Variants in RAG2 observed in about 807,000 individuals in gnomAD.
RAG2 encodes the protein V(D)J recombination-activating protein 2.
A neutral mutation model predicts 31.8 loss-of-function variants in RAG2; 16 were observed. The ratio of observed to expected loss-of-function variants is 0.50; its 90% CI spans 0.34 to 0.76. The LOEUF is 0.76. RAG2 is among the 30% of genes least tolerant of loss of function. The pLI is 0.01. For synonymous variants in RAG2, 199 were observed against 215.9 expected, an observed-to-expected ratio of 0.92 and a Z score of 0.68; for missense variants, 622 against 628.5, an observed-to-expected ratio of 0.99 and a Z score of 0.11.
chr11:36,596,475 G>A (rs113290425), intron 1 of RAG2, among the ~76,000 whole-genome samples: 5,864 of 152,128 alleles, frequency 0.039, 365 homozygotes, highest in African/African-American at 0.13. Context: ...AATAATCTAG[G>A]CAGTGTTTTA....
At position 36,593,601 on chromosome 11, in the gene RAG2, CA is replaced by C. The variant is rs1564996949; in HGVS notation, c.567del (p.Phe189LeufsTer31). The C allele has an allele frequency of 6.2e-7, 1 of 1,614,140 alleles. No individual in the cohort carries two copies. Among genetic ancestry groups the C allele is most frequent in the Non-Finnish European group, 8.5e-7 (1 of 1,180,020 alleles). On this transcript the variant is annotated frameshift_variant, in exon 2 of 2. Transcript: ENST00000311485. LOFTEE classifies it high-confidence loss of function. ...LPCVFLVDFEFGCATSYILPE... is the reference protein window; with the variant it reads ...LPCVFLVDFEXGCATSYILPE... ...GGAAGAATGTATGATGTAGCACACC[CA>C]AATTCAAAATCCACCAGGAAAACAC...
Position 36,592,355 on chromosome 11 carries a change from T to C in RAG2, c.*230A>G, listed in dbSNP as rs552856146. 24 of 559,078 alleles carry C rather than the reference T, an allele frequency of 4.3e-5. No individual in the cohort carries two copies. Among genetic ancestry groups the C allele is most frequent in the African/African-American group, 3.9e-4 (21 of 53,234 alleles). 34.6% of individuals were successfully genotyped at this position (559,078 alleles called of 1,614,324 possible). A position where few individuals can be genotyped will look rare whatever the true frequency, so the allele number is the denominator to read the frequency against. Reference sequence around the variant, plus strand: ...CAGATCAGAAATCCTCAGTGAAGAATAAATTAGTAAATTGAGTATTTGGGT... The same window carrying C: ...CAGATCAGAAATCCTCAGTGAAGAACAAATTAGTAAATTGAGTATTTGGGT... On this transcript the variant is annotated 3_prime_UTR_variant, in exon 2 of 2. Coordinates refer to ENST00000311485, the MANE Select transcript of RAG2 (RefSeq NM_000536.4).
intron 1 of RAG2, among the ~76,000 whole-genome samples, chr11:36,596,643 C>A (rs1851272602): frequency 6.6e-6 from 1 of 152,154 alleles, no homozygotes; most frequent in South Asian, 2.1e-4. Context: ...AGAGAGTTGT[C>A]CCATTTTGGG....
At chr11:36,597,078 C>G (rs1243184213) in intron 1 of RAG2, among the ~76,000 whole-genome samples, 1 of 152,158 alleles carries the variant, frequency 6.6e-6, no homozygotes, top group Non-Finnish European at 1.5e-5. Context: ...CCTCTTGTAA[C>G]ATGGTTCAAG....
At position 36,592,465 on chromosome 11, in the gene RAG2, T is replaced by C. The variant is rs2133310224; in HGVS notation, c.*120A>G. On this transcript the variant is annotated 3_prime_UTR_variant, in exon 2 of 2. Transcript: ENST00000311485. ...ACTTTTTTCTGGCCCTTAATTCATG[T>C]AACTAAAAGAAAACATAGGCATTTT... 1.5e-6 allele frequency: 2 copies of C among 1,291,352 alleles called. No individual in the cohort carries two copies. The highest frequency in any genetic ancestry group is 2.5e-5 in the East Asian group (1 of 39,742). 80.0% of individuals were successfully genotyped at this position (1,291,352 alleles called of 1,614,324 possible).
chr11:36,593,612 T>C lies in RAG2; in HGVS notation c.557A>G (p.Asp186Gly). The change falls in exon 2 of 2, where the codon GAT becomes GGT. Residue 186 changes from aspartate (D) to glycine (G), a missense_variant. Asp to Gly is a moderately conservative substitution (Grantham distance 94, BLOSUM62 -1). Coordinates refer to ENST00000311485, the MANE Select transcript of RAG2 (RefSeq NM_000536.4). Reference protein sequence around the residue: ...ADCLPCVFLVDFEFGCATSYI... With the variant: ...ADCLPCVFLVGFEFGCATSYI... ...TGATGTAGCACACCCAAATTCAAAATCCACCAGGAAAACACAGGGCAGGCA... is the reference window on the plus strand; with the variant it reads ...TGATGTAGCACACCCAAATTCAAAACCCACCAGGAAAACACAGGGCAGGCA... 1.2e-6 allele frequency: 2 copies of C among 1,614,148 alleles called. No individual in the cohort carries two copies. Among genetic ancestry groups the C allele is most frequent in the Non-Finnish European group, 1.7e-6 (2 of 1,180,034 alleles).
Position 36,594,013 on chromosome 11 carries a change from A to T in RAG2, c.156T>A (p.His52Gln), listed in dbSNP as rs1851102640. ...TTGTAGGCTTCAGTTTGACATGGTT[A>T]TGCTTTACATCCAGATGGAAAACTC... ...PTGVFHLDVK[H>Q]NHVKLKPTIF... Residue 52 changes from histidine (H) to glutamine (Q), a missense_variant, in exon 2 of 2, where the codon CAT (histidine) becomes CAA (glutamine). Transcript: ENST00000311485. 2 of 1,614,044 alleles carry T rather than the reference A, an allele frequency of 1.2e-6. No homozygotes were observed. Among genetic ancestry groups the T allele is most frequent in the African/African-American group, 1.3e-5 (1 of 74,914 alleles).
At chr11:36,595,912 A>G (rs1490909758) in intron 1 of RAG2, among the ~76,000 whole-genome samples, 1 of 152,270 alleles carries the variant, frequency 6.6e-6, no homozygotes, top group Non-Finnish European at 1.5e-5. Context: ...GAACTAAAAG[A>G]ATTGGATAAA....
At chr11:36,594,403 C>T (rs1226705730) in intron 1 of RAG2, 1 of 575,396 alleles carries the variant, frequency 1.7e-6, no homozygotes, top group Non-Finnish European at 3.1e-6. Flanking sequence ...GTTTTAGCCA[C>T]GGACTATATG....
At position 36,593,657 on chromosome 11, in the gene RAG2, T is replaced by C; in HGVS notation, c.512A>G (p.Lys171Arg). Reference sequence around the variant, plus strand: ...CAGGCAGTCAGCTACACTATTCCATTTTTCTGTGGTTCTGTGGGTAGAAGG... The same window carrying C: ...CAGGCAGTCAGCTACACTATTCCATCTTTCTGTGGTTCTGTGGGTAGAAGG... ...YMPSTHRTTE[K>R]WNSVADCLPC... The change falls in exon 2 of 2, where the codon AAA becomes AGA. Residue 171 changes from lysine to arginine, a missense_variant. By Grantham distance (26) the Lys-to-Arg change is conservative. Coordinates refer to ENST00000311485, the MANE Select transcript of RAG2 (RefSeq NM_000536.4). The C allele has an allele frequency of 6.2e-7, 1 of 1,614,186 alleles. No homozygotes were observed. Among genetic ancestry groups the C allele is most frequent in the Non-Finnish European group, 8.5e-7 (1 of 1,180,036 alleles).
rs749683351 is a variant in RAG2, at chr11:36,593,039, G to A, written c.1130C>T (p.Pro377Leu). The change falls in exon 2 of 2, where the codon CCC (proline) becomes CTC (leucine). Residue 377 changes from proline (P) to leucine (L), a missense_variant. Coordinates refer to ENST00000311485, the MANE Select transcript of RAG2 (RefSeq NM_000536.4). ...ACAAAATTCTTCAGAGTCTTCAAAGGGAGTGGAATCCCCTGGATCTTCTGT... is the reference window on the plus strand; with the variant it reads ...ACAAAATTCTTCAGAGTCTTCAAAGAGAGTGGAATCCCCTGGATCTTCTGT... ...TSTEDPGDST[P>L]FEDSEEFCFS... is the part of the protein sequence containing the mutation. 2 of 1,614,058 alleles carry A rather than the reference G, an allele frequency of 1.2e-6. No individual in the cohort carries two copies. The highest frequency in any genetic ancestry group is 1.7e-6 in the Non-Finnish European group (2 of 1,179,998).
intron 1 of RAG2, chr11:36,594,896 C>T (rs1851145120): frequency 6.6e-6 from 1 of 152,324 alleles, no homozygotes; most frequent in Non-Finnish European, 1.5e-5. Flanking sequence ...CTCAAAACTA[C>T]ACCCCTGACG....
Position 36,592,161 on chromosome 11 carries a change from G to T in RAG2, c.*424C>A. 4.7e-6 allele frequency: 1 copy of T among 212,068 alleles called. No homozygotes were observed. Among genetic ancestry groups the T allele is most frequent in the South Asian group, 7.3e-5 (1 of 13,764 alleles). The allele number at this position is 212,068 out of a possible 1,614,324, so 13.1% of individuals were successfully genotyped here. A position where few individuals can be genotyped will look rare whatever the true frequency, so the allele number is the denominator to read the frequency against. On this transcript the variant is annotated 3_prime_UTR_variant, in exon 2 of 2. Coordinates refer to ENST00000311485, the MANE Select transcript of RAG2 (RefSeq NM_000536.4). The stretch of plus-strand genomic sequence containing the variant: ...TTTTGGCCAACTGCCGAATTGTTAT[G>T]TTGCACAAAATAATCAATTTAATTC...
chr11:36,595,005 G>C (rs963287110), intron 1 of RAG2: 1 of 152,180 alleles, frequency 6.6e-6, no homozygotes, highest in Admixed American at 6.5e-5. Flanking sequence ...TGAATCCCTA[G>C]AGTGCAGGGG....
chr11:36,596,222 G>GTTTTTTTTTTTTTTTTTTTTTT (rs67282079), intron 1 of RAG2, among the ~76,000 whole-genome samples: 1 of 118,368 alleles, frequency 8.4e-6, no homozygotes, highest in African/African-American at 3.1e-5. Context: ...TTTTTTTTTT[G>GTTTTTTTTTTTTTTTTTTTTTT]TTTTTTTTTT....
At chr11:36,595,150 G>A (rs1275095580) in intron 1 of RAG2, 1 of 152,124 alleles carries the variant, frequency 6.6e-6, no homozygotes, top group Non-Finnish European at 1.5e-5. Flanking sequence ...GGTTCTTTTA[G>A]GGAAGCAGAG....
intron 1 of RAG2, chr11:36,597,717 G>A (rs1035845041): frequency 3.3e-5 from 5 of 152,190 alleles, no homozygotes; most frequent in African/African-American, 1.2e-4. Context: ...CTCCAGAGTA[G>A]CAAGTAACCT....
rs764797359 is a variant in RAG2 at position 36,593,825 on chromosome 11, T to C, written c.344A>G (p.Lys115Arg). Residue 115 changes from lysine to arginine, a missense_variant, in exon 2 of 2, where the codon AAG (lysine) becomes AGG (arginine). Lys to Arg is a conservative substitution (Grantham distance 26, BLOSUM62 2). Coordinates refer to ENST00000311485, the MANE Select transcript of RAG2 (RefSeq NM_000536.4). ...GCGAAAAGTAACCTTTTTGTTGTTC[T>C]TGCAAACAATAGACATGACATAAAT... ...DKIYVMSIVC[K>R]NNKKVTFRCT... 6.2e-7 allele frequency: 1 copy of C among 1,614,230 alleles called. No individual in the cohort carries two copies. The highest frequency in any genetic ancestry group is 2.2e-5 in the East Asian group (1 of 44,892).
At chr11:36,591,930 A>C (rs1851027297), downstream of RAG2, 2 of 152,290 alleles carry the variant, frequency 1.3e-5, no homozygotes, top group African/African-American at 2.4e-5. Context: ...TAATTCAGGA[A>C]AACATGTCAA....
Sources: allele counts gnomAD v4.1 joint callset (sites outside exome capture counted in the v4.1 genomes callset), GRCh38; gene constraint gnomAD v4.1.1; transcripts MANE v1.5; gene names NCBI Gene and HGNC (gene_info 2026-07-23, HGNC 2026-07-21).